Variants in CA10 observed in about 807,000 individuals in gnomAD.
The protein encoded by CA10 is carbonic anhydrase-related protein 10.
In CA10, 14 loss-of-function variants were observed where a neutral mutation model predicts 44.2. The observed-to-expected ratio is 0.32, with a 90% CI of 0.21 to 0.50. CA10 has a LOEUF of 0.50. Ranked by LOEUF, CA10 falls within the 20% of genes least tolerant of loss-of-function variation. CA10 has a pLI of 0.99. For missense variants in CA10, 350 were observed against 409.7 expected, an observed-to-expected ratio of 0.85 and a Z score of 1.26; for synonymous variants, 159 against 141.6, an observed-to-expected ratio of 1.12 and a Z score of -0.87.
chr17:52,141,890 T>C (rs1989488228), intron 1 of CA10, among the ~76,000 whole-genome samples: 1 of 152,124 alleles, frequency 6.6e-6, no homozygotes, highest in South Asian at 2.1e-4. Flanking sequence ...GGGGATACCC[T>C]AGATGAATCC....
At chr17:51,935,322 T>C (rs1382114208) in intron 2 of CA10, among the ~76,000 whole-genome samples, 2 of 152,178 alleles carry the variant, frequency 1.3e-5, no homozygotes, top group Admixed American at 6.6e-5. Context: ...TCCATTATTA[T>C]GGCTTATTAG....
intron 3 of CA10, among the ~76,000 whole-genome samples, chr17:51,768,424 A>G (rs995258264): frequency 6.6e-6 from 1 of 152,216 alleles, no homozygotes; most frequent in African/African-American, 2.4e-5. Flanking sequence ...ACGATTGCCA[A>G]TAAATAAGAC....
At chr17:51,945,264 C>T (rs761564218) in intron 2 of CA10, among the ~76,000 whole-genome samples, 7 of 152,012 alleles carry the variant, frequency 4.6e-5, no homozygotes, top group South Asian at 2.1e-4. Context: ...GTTTTAGAGA[C>T]GGCATTTTAT....
intron 3 of CA10, among the ~76,000 whole-genome samples, chr17:51,929,116 C>A (rs1431788460): frequency 1.3e-5 from 2 of 152,048 alleles, no homozygotes; most frequent in African/African-American, 4.8e-5. Context: ...CAAAAAATAT[C>A]TCTAAAACAA....
chr17:51,680,205 G>A (rs918800265), intron 4 of CA10, among the ~76,000 whole-genome samples: 4 of 152,226 alleles, frequency 2.6e-5, no homozygotes, highest in African/African-American at 9.7e-5. Context: ...TGGAGGAAGA[G>A]TATATGAGTA....
In CA10 at chr17:52,147,853, C is replaced by T. The variant is rs552780546; in HGVS notation, c.61+9873G>A. On this transcript the variant is annotated intron_variant, in intron 1 of 8. Coordinates refer to ENST00000451037, the MANE Select transcript of CA10 (RefSeq NM_020178.5). Reference sequence around the variant, plus strand: ...CACTGAGAAATTAACAATAGGGCCCCTTTTTTTTCTATAACCCCTTTTTAT... The same window carrying T: ...CACTGAGAAATTAACAATAGGGCCCTTTTTTTTTCTATAACCCCTTTTTAT... Among the ~76,000 whole-genome samples, 7 of 151,992 alleles carry T rather than the reference C, an allele frequency of 4.6e-5. No homozygotes were observed. In the South Asian group the frequency reaches 1.5e-3, roughly 32 times the overall value.
At chr17:51,961,545 A>C (rs1847667139) in intron 2 of CA10, among the ~76,000 whole-genome samples, 1 of 152,164 alleles carries the variant, frequency 6.6e-6, no homozygotes, top group South Asian at 2.1e-4. Context: ...AAGGTCAATA[A>C]AATTTGATAA....
intron 1 of CA10, among the ~76,000 whole-genome samples, chr17:52,096,629 C>A (rs892592005): frequency 9.9e-5 from 15 of 152,252 alleles, no homozygotes; most frequent in Admixed American, 9.2e-4. Flanking sequence ...CTCAAATATC[C>A]TTCTGGAAGA....
intron 1 of CA10, among the ~76,000 whole-genome samples, chr17:52,149,833 A>G (rs1338358484): frequency 6.6e-6 from 1 of 152,218 alleles, no homozygotes; most frequent in Non-Finnish European, 1.5e-5. Context: ...GTCTGGGCCA[A>G]GTAGAGCATA....
At chr17:51,798,694 T>C (rs977687692) in intron 3 of CA10, among the ~76,000 whole-genome samples, 1 of 152,192 alleles carries the variant, frequency 6.6e-6, no homozygotes, top group African/African-American at 2.4e-5. Flanking sequence ...AGCACAAGTA[T>C]GGCCAACCCA....
chr17:51,893,533 T>C (rs1183869141), intron 3 of CA10, among the ~76,000 whole-genome samples: 3 of 152,082 alleles, frequency 2.0e-5, no homozygotes, highest in South Asian at 2.1e-4. Context: ...AATTTAGAAA[T>C]AGGAAAAGCT....
chr17:51,650,737 T>C (rs1387356440), intron 5 of CA10, among the ~76,000 whole-genome samples: 1 of 152,190 alleles, frequency 6.6e-6, no homozygotes, highest in Admixed American at 6.5e-5. Flanking sequence ...AGGAATCTGT[T>C]ATGTACCTTA....
chr17:51,985,086 C>A (rs973236643), intron 2 of CA10, among the ~76,000 whole-genome samples: 2 of 151,876 alleles, frequency 1.3e-5, no homozygotes, highest in South Asian at 2.1e-4. Flanking sequence ...GGACTGATAT[C>A]CTTGATGAAC....
chr17:51,973,744 C>A (rs904870948), intron 2 of CA10, among the ~76,000 whole-genome samples: 1 of 152,174 alleles, frequency 6.6e-6, no homozygotes, highest in Non-Finnish European at 1.5e-5. Flanking sequence ...ATTAACTATC[C>A]TCTGTTAGAA....
At chr17:51,933,902 G>C (rs575199353) in intron 2 of CA10, among the ~76,000 whole-genome samples, 1 of 152,104 alleles carries the variant, frequency 6.6e-6, no homozygotes, top group Non-Finnish European at 1.5e-5. Flanking sequence ...TGCCCAAAAA[G>C]TACCCCCGCA....
At chr17:51,701,104 T>C (rs1597994711) in intron 4 of CA10, among the ~76,000 whole-genome samples, 1 of 151,418 alleles carries the variant, frequency 6.6e-6, no homozygotes, top group Non-Finnish European at 1.5e-5. Context: ...AATTTTTTTT[T>C]CAAAAGTCTG....
At chr17:52,048,942 C>A (rs1356477223) in intron 2 of CA10, among the ~76,000 whole-genome samples, 2 of 151,256 alleles carry the variant, frequency 1.3e-5, no homozygotes, top group East Asian at 4.3e-4. Context: ...GTTGCAATGA[C>A]TAAAAAATGA....
At chr17:51,940,370 C>T (rs1439439489) in intron 2 of CA10, among the ~76,000 whole-genome samples, 2 of 152,036 alleles carry the variant, frequency 1.3e-5, no homozygotes, top group Admixed American at 6.6e-5. Flanking sequence ...ACTACGGGAC[C>T]GTAAACACCC....
At chr17:52,137,923 G>T (rs894373304) in intron 1 of CA10, among the ~76,000 whole-genome samples, 1 of 152,018 alleles carries the variant, frequency 6.6e-6, no homozygotes, top group South Asian at 2.1e-4. Flanking sequence ...ATGCTCCCTG[G>T]ACTGTCATCA....
Sources: gnomAD v4.1 joint callset for allele counts (sites outside exome capture counted in the v4.1 genomes callset) on GRCh38, gnomAD v4.1.1 for gene constraint, MANE v1.5 for transcripts, NCBI Gene and HGNC (gene_info 2026-07-23, HGNC 2026-07-21) for gene names.